The following TTC29 variants were observed in gnomAD, a reference collection of about 807,000 sequenced individuals.
TTC29 encodes tetratricopeptide repeat domain 29.
A neutral mutation model predicts 58.1 loss-of-function variants in TTC29; 49 were observed. The observed-to-expected ratio is 0.84, with a 90% CI of 0.67 to 1.07. TTC29 has a LOEUF of 1.07. Ranked by LOEUF, TTC29 falls within the 50% of genes least tolerant of loss-of-function variation. The pLI, the probability that TTC29 is intolerant of heterozygous loss-of-function variation, is 0.00. For synonymous variants in TTC29, 209 were observed against 196.8 expected (o/e 1.06, Z -0.52); for missense variants, 582 against 555.6 (o/e 1.05, Z -0.48).
chr4:146,725,810 C>A (rs190915458), intron 11 of TTC29, among the ~76,000 whole-genome samples: 1 of 152,204 alleles, frequency 6.6e-6, no homozygotes, highest in East Asian at 1.9e-4. Context: ...GCATTTCATT[C>A]CACATATTCG....
At chr4:146,850,473 T>G (rs17022051) in intron 8 of TTC29, among the ~76,000 whole-genome samples, 1 of 152,212 alleles carries the variant, frequency 6.6e-6, no homozygotes, top group Non-Finnish European at 1.5e-5. Context: ...TGGTGCAACC[T>G]GTCCTATTGT....
rs1187961311 is a variant in TTC29, at chr4:146,909,128, C to G, written c.298G>C (p.Val100Leu). ...RWDALREAARVRSLFWLQKPL... is the reference protein window; with the variant it reads ...RWDALREAARLRSLFWLQKPL... ...TTCTGCAGCCAGAAGAGGGACCTGA[C>G]TCTCGCAGCCTCCCTCAGGGCATCC... is the stretch of plus-strand genomic sequence containing the variant. The change falls in exon 5 of 13, where the codon GTC becomes CTC. Residue 100 changes from valine to leucine, a missense_variant. Coordinates refer to ENST00000325106, the MANE Select transcript of TTC29 (RefSeq NM_031956.4). 1.2e-6 allele frequency: 2 copies of G among 1,613,906 alleles called. No homozygotes were observed. The highest frequency in any genetic ancestry group is 4.5e-5 in the East Asian group (2 of 44,858).
Position 146,807,763 on chromosome 4 carries a change from A to G in TTC29, c.1102-4078T>C, listed in dbSNP as rs1362914749. On this transcript the variant is annotated intron_variant, in intron 10 of 12. Transcript: ENST00000325106. ...CAGTAATTAATAGCCCACCAACCAA[A>G]AAAAGCCCAGGACCAGACAGATCCA... 3.9e-5 allele frequency among the ~76,000 whole-genome samples: 6 copies of G among 152,194 alleles called. No homozygotes were observed. In the East Asian group the frequency reaches 1.2e-3, roughly 29 times the overall value.
intron 11 of TTC29, among the ~76,000 whole-genome samples, chr4:146,770,801 C>A (rs907275262): frequency 3.3e-5 from 5 of 151,978 alleles, no homozygotes; most frequent in Admixed American, 6.6e-5. Flanking sequence ...TTTAGTCTTT[C>A]TCTCGATATG....
At chr4:146,785,108 T>C (rs1748912013) in intron 11 of TTC29, among the ~76,000 whole-genome samples, 1 of 152,242 alleles carries the variant, frequency 6.6e-6, no homozygotes, top group South Asian at 2.1e-4. Flanking sequence ...TCTCTGTGTG[T>C]GTGTGTGTAC....
intron 11 of TTC29, among the ~76,000 whole-genome samples, chr4:146,781,630 A>G (rs75193426): frequency 0.013 from 1,928 of 152,090 alleles, 53 homozygotes; most frequent in African/African-American, 0.043. Context: ...CCAACTCACT[A>G]TATGTTGAGG....
At chr4:146,709,791 G>T (rs1742348458) in intron 11 of TTC29, among the ~76,000 whole-genome samples, 1 of 152,064 alleles carries the variant, frequency 6.6e-6, no homozygotes, top group African/African-American at 2.4e-5. Context: ...TGGCTTCATA[G>T]AGGAAATAAA....
At chr4:146,874,489 G>A (rs776920886) in intron 7 of TTC29, among the ~76,000 whole-genome samples, 15 of 152,014 alleles carry the variant, frequency 9.9e-5, no homozygotes, top group African/African-American at 2.4e-4. Flanking sequence ...TACCCCCAGC[G>A]GATTGTAATT....
chr4:146,899,655 G>T (rs1468975237), intron 6 of TTC29, among the ~76,000 whole-genome samples: 2 of 152,094 alleles, frequency 1.3e-5, no homozygotes, highest in African/African-American at 2.4e-5. Flanking sequence ...TCTGGCCAGG[G>T]AGCTCTGCGT....
chr4:146,742,620 C>T (rs375572989), intron 11 of TTC29, among the ~76,000 whole-genome samples: 2 of 92,644 alleles, frequency 2.2e-5, no homozygotes, highest in Non-Finnish European at 4.6e-5. Context: ...CCTTCCCTCC[C>T]TTCCTTCCTT....
At chr4:146,868,763 A>T (rs1352955549) in intron 7 of TTC29, among the ~76,000 whole-genome samples, 1 of 152,102 alleles carries the variant, frequency 6.6e-6, no homozygotes, top group Non-Finnish European at 1.5e-5. Context: ...TTTGGAAAGC[A>T]AGTGATACGG....
At chr4:146,777,382 C>T (rs1452681364) in intron 11 of TTC29, among the ~76,000 whole-genome samples, 2 of 151,698 alleles carry the variant, frequency 1.3e-5, no homozygotes, top group Admixed American at 6.6e-5. Context: ...TTATATATTA[C>T]GTTGACTTTT....
At chr4:146,908,260 G>C (rs1004202179) in intron 5 of TTC29, among the ~76,000 whole-genome samples, 3 of 152,004 alleles carry the variant, frequency 2.0e-5, no homozygotes, top group Non-Finnish European at 4.4e-5. Context: ...TTGGAGAAAA[G>C]AATAATTTAG....
At chr4:146,866,058 T>C (rs754312814) in intron 8 of TTC29, among the ~76,000 whole-genome samples, 4 of 152,184 alleles carry the variant, frequency 2.6e-5, no homozygotes, top group Non-Finnish European at 4.4e-5. Context: ...TATTTGAATA[T>C]ATAGAATATT....
chr4:146,730,103 G>T (rs1744216803), intron 11 of TTC29, among the ~76,000 whole-genome samples: 1 of 151,968 alleles, frequency 6.6e-6, no homozygotes. Flanking sequence ...GATTTTCCTT[G>T]GTTTTTCAGC....
At chr4:146,858,288 T>G (rs1393149698) in intron 8 of TTC29, among the ~76,000 whole-genome samples, 1 of 152,222 alleles carries the variant, frequency 6.6e-6, no homozygotes, top group African/African-American at 2.4e-5. Flanking sequence ...GAAATCCATG[T>G]CTTCCAGCTC....
intron 6 of TTC29, among the ~76,000 whole-genome samples, chr4:146,885,494 G>A (rs1009914999): frequency 5.9e-5 from 9 of 151,898 alleles, no homozygotes; most frequent in Admixed American, 2.0e-4. Flanking sequence ...TTATTAGAAC[G>A]ACATTCCATA....
intron 9 of TTC29, among the ~76,000 whole-genome samples, chr4:146,832,813 G>C (rs1327661745): frequency 6.6e-6 from 1 of 151,950 alleles, no homozygotes; most frequent in Non-Finnish European, 1.5e-5. Flanking sequence ...ATATGTCTGT[G>C]TTCCTAAACC....
At chr4:146,838,125 T>G (rs1243110438) in intron 8 of TTC29, among the ~76,000 whole-genome samples, 5 of 152,030 alleles carry the variant, frequency 3.3e-5, no homozygotes, top group Non-Finnish European at 7.4e-5. Flanking sequence ...ACAGACTATC[T>G]TCTTACCAAA....
Sources: gnomAD v4.1 joint callset for allele counts (sites outside exome capture counted in the v4.1 genomes callset) on GRCh38, gnomAD v4.1.1 for gene constraint, MANE v1.5 for transcripts, NCBI Gene and HGNC (gene_info 2026-07-23, HGNC 2026-07-21) for gene names.